The following OSBPL5 variants were observed in gnomAD, a reference collection of about 807,000 sequenced individuals.
OSBPL5 encodes oxysterol-binding protein-related protein 5.
OSBPL5 carries 71 observed loss-of-function variants against 111.2 expected under a neutral mutation model. That is an observed-to-expected ratio of 0.64 (90% confidence interval 0.53 to 0.78). OSBPL5 has a LOEUF of 0.78. Among genes scored for constraint, OSBPL5 ranks in the 30% least tolerant of loss-of-function variants. OSBPL5 has a pLI of 0.00. For missense variants in OSBPL5, 1,210 were observed against 1,189.3 expected (o/e 1.02, Z -0.26); for synonymous variants, 549 against 513.9 (o/e 1.07, Z -0.93).
At chr11:3,160,245 T>C (rs923291645) in intron 1 of OSBPL5, among the ~76,000 whole-genome samples, 20 of 152,290 alleles carry the variant, frequency 1.3e-4, no homozygotes, top group African/African-American at 4.8e-4. Flanking sequence ...CTGGCCAATG[T>C]GGGGAGCCTC....
At position 3,092,291 on chromosome 11, in the gene OSBPL5, A is replaced by C; in HGVS notation, c.2259+141T>G. On this transcript the variant is annotated intron_variant, in intron 19 of 21. Transcript: ENST00000263650. The surrounding 1 kb of genome is among the most constrained non-coding windows in gnomAD (Gnocchi z 5.4). The stretch of plus-strand genomic sequence containing the variant: ...TGAGTCCCATGCTCGGCAGAGAAGG[A>C]AAGGGGACGAGGGGGCTGGGGGATG... The C allele has an allele frequency of 8.2e-7, 1 of 1,214,536 alleles. No individual in the cohort carries two copies. 75.2% of individuals were successfully genotyped at this position (1,214,536 alleles called of 1,614,324 possible).
chr11:3,104,030 A>T lies in OSBPL5; in HGVS notation c.1244+163T>A, dbSNP rs1397844339. On this transcript the variant is annotated intron_variant, in intron 10 of 21. Transcript: ENST00000263650. This position sits in a 1 kb window ranked among gnomAD's most constrained non-coding sequence, Gnocchi z 5.0. ...CTGGCTCCTCCCAGGCCCATCTTGG[A>T]GACAGGGCCCCCTGGGAGGCTACAG... Among the ~76,000 whole-genome samples the T allele has an allele frequency of 1.3e-5, 2 of 152,134 alleles. No individual in the cohort carries two copies. Among genetic ancestry groups the T allele is most frequent in the African/African-American group, 4.8e-5 (2 of 41,434 alleles).
chr11:3,092,861 A>C lies in OSBPL5; in HGVS notation c.2132+6T>G. 4 of 1,524,680 alleles carry C rather than the reference A, an allele frequency of 2.6e-6. No individual in the cohort carries two copies. Among genetic ancestry groups the C allele is most frequent in the Non-Finnish European group, 3.5e-6 (4 of 1,128,546 alleles). The allele number at this position is 1,524,680 out of a possible 1,614,324, so 94.4% of individuals were successfully genotyped here. A position where few individuals can be genotyped will look rare whatever the true frequency, so the allele number is the denominator to read the frequency against. On this transcript the variant is annotated splice_donor_region_variant and intron_variant, in intron 18 of 21. Coordinates refer to ENST00000263650, the MANE Select transcript of OSBPL5 (RefSeq NM_020896.4). The surrounding 1 kb of genome is among the most constrained non-coding windows in gnomAD (Gnocchi z 5.4). ...CTGTGGCCCCCAGGGCTTTGTCGGC[A>C]CTCACTCCTCGTATCGGTAGTGCCA...
chr11:3,144,206 G>A (rs1846253949), intron 1 of OSBPL5, among the ~76,000 whole-genome samples: 1 of 152,168 alleles, frequency 6.6e-6, no homozygotes, highest in African/African-American at 2.4e-5. Flanking sequence ...GGCAGGTGGG[G>A]ACAGAACATG....
Position 3,092,733 on chromosome 11 carries a change from C to T in OSBPL5, c.2132+134G>A. On this transcript the variant is annotated intron_variant, in intron 18 of 21. Coordinates refer to ENST00000263650, the MANE Select transcript of OSBPL5 (RefSeq NM_020896.4). The surrounding 1 kb of genome is among the most constrained non-coding windows in gnomAD (Gnocchi z 5.4). Reference sequence around the variant, plus strand: ...GACTGATGATGGGGGGTGTCACTATCTGACCCTCCCCCACCGACTCCTCCA... The same window carrying T: ...GACTGATGATGGGGGGTGTCACTATTTGACCCTCCCCCACCGACTCCTCCA... The T allele has an allele frequency of 7.4e-7, 1 of 1,342,546 alleles. No homozygotes were observed. Among genetic ancestry groups the T allele is most frequent in the Non-Finnish European group, 1.0e-6 (1 of 1,004,202 alleles). 83.2% of individuals were successfully genotyped at this position (1,342,546 alleles called of 1,614,324 possible). A position where few individuals can be genotyped will look rare whatever the true frequency, so the allele number is the denominator to read the frequency against.
rs34351257 is a variant in OSBPL5, at chr11:3,121,061, CTTT to C, written c.403-440_403-438del. On this transcript the variant is annotated intron_variant, in intron 5 of 21. Transcript: ENST00000263650. The surrounding 1 kb of genome is among the most constrained non-coding windows in gnomAD (Gnocchi z 4.3). ...CTTGTAACTGGCAGCTTTGTAGATT[CTTT>C]TTTTTTTTTTTTTTGAGACAGAGTC... Among the ~76,000 whole-genome samples, 3 of 130,334 alleles carry C rather than the reference CTTT, an allele frequency of 2.3e-5. No individual in the cohort carries two copies. The highest frequency in any genetic ancestry group is 1.6e-5 in the Non-Finnish European group (1 of 62,452). The allele number at this position is 130,334 out of a possible 152,430, so 85.5% of individuals were successfully genotyped here.
intron 14 of OSBPL5, among the ~76,000 whole-genome samples, chr11:3,097,027 GAGAGGAAAGAGGGAAGACAGGAGA>G (rs1857288008): frequency 4.8e-5 from 3 of 63,132 alleles, no homozygotes; most frequent in African/African-American, 6.9e-5. Context: ...GGAGGGGGAG[GAGAGGAAAGAGGGAAGACAGGAGA>G]AGGAGAGGAA....
rs76420681 is a variant in OSBPL5, at chr11:3,095,797, G to A, written c.1622-1463C>T. 5.6e-3 allele frequency among the ~76,000 whole-genome samples: 848 copies of A among 152,252 alleles called. 33 individuals are homozygous for A. The highest frequency in any genetic ancestry group is 0.051 in the East Asian group (263 of 5,186). On this transcript the variant is annotated intron_variant, in intron 14 of 21. Transcript: ENST00000263650. ...AAGTTTCTCTTTTGAGAAGCCTTCC[G>A]GTGATTAAGTGAAAGAGGATGGAAC...
chr11:3,119,456 C>G, intron 7 of OSBPL5, 91 bp downstream of exon 7: 2 of 1,324,952 alleles, frequency 1.5e-6, no homozygotes, highest in Non-Finnish European at 2.0e-6. Context: ...AGGGACTGAA[C>G]TGGGGCCACC....
rs751759048 is a variant in OSBPL5, at chr11:3,104,366, C to T, written c.1071G>A (p.Ala357=). The T allele has an allele frequency of 1.8e-5, 29 of 1,610,096 alleles. No homozygotes were observed. Among genetic ancestry groups the T allele is most frequent in the South Asian group, 3.3e-5 (3 of 90,992 alleles). Residue 357 remains alanine (A), a synonymous_variant, in exon 10 of 22, where the codon GCG becomes GCA. Coordinates refer to ENST00000263650, the MANE Select transcript of OSBPL5 (RefSeq NM_020896.4). This position sits in a 1 kb window ranked among gnomAD's most constrained non-coding sequence, Gnocchi z 5.0. ...VQEELGELGE[A]SQVETVSEEN... Reference sequence around the variant, plus strand: ...CCTCTGACACTGTCTCCACCTGGGACGCCTCGCCCAGCTGCAGCAGACAGG... The same window carrying T: ...CCTCTGACACTGTCTCCACCTGGGATGCCTCGCCCAGCTGCAGCAGACAGG...
At chr11:3,119,806 C>T (rs1389731176) in intron 6 of OSBPL5, 175 bp from the exon 7 acceptor site, 15 of 554,980 alleles carry the variant, frequency 2.7e-5, no homozygotes, top group Non-Finnish European at 3.7e-5. Flanking sequence ...TGCAGAGAGG[C>T]GGGTAGGTGG....
intron 10 of OSBPL5, among the ~76,000 whole-genome samples, chr11:3,103,888 A>AGTCTGCGCAGCCCC (rs1564830906): frequency 9.7e-6 from 1 of 102,884 alleles, no homozygotes; most frequent in South Asian, 3.2e-4. Flanking sequence ...CTGTAGCCCC[A>AGTCTGCGCAGCCCC]TTCCTGCCTC....
chr11:3,121,027 G>A lies in OSBPL5; in HGVS notation c.403-403C>T, dbSNP rs1173619620. ...GGCCTCAGGGAGGAACCAGCAATGA[G>A]TGGTGTGACTTGTAACTGGCAGCTT... On this transcript the variant is annotated intron_variant, in intron 5 of 21. Transcript: ENST00000263650. The surrounding 1 kb of genome is among the most constrained non-coding windows in gnomAD (Gnocchi z 4.3). Among the ~76,000 whole-genome samples the A allele has an allele frequency of 1.3e-5, 2 of 151,832 alleles. No homozygotes were observed. The highest frequency in any genetic ancestry group is 2.9e-5 in the Non-Finnish European group (2 of 67,968).
chr11:3,157,837 A>G (rs758744918), intron 1 of OSBPL5, among the ~76,000 whole-genome samples: 46 of 152,220 alleles, frequency 3.0e-4, no homozygotes, highest in Non-Finnish European at 5.4e-4. Context: ...GGCAGGAAAG[A>G]GCCACATAGC....
rs574759587 is a variant in OSBPL5 at position 3,161,440 on chromosome 11, T to A, written c.-22+3776A>T. 1 of 152,256 alleles carries A rather than the reference T, an allele frequency of 6.6e-6. No individual in the cohort carries two copies. The highest frequency in any genetic ancestry group is 6.5e-5 in the Admixed American group (1 of 15,298). 9.4% of individuals were successfully genotyped at this position (152,256 alleles called of 1,614,324 possible). ...AGCCGATGCTGGTGAAACCAGGACA[T>A]GGTGGGTGGGACTTGCTAGATGGGG... On this transcript the variant is annotated intron_variant, in intron 1 of 21. Coordinates refer to ENST00000263650, the MANE Select transcript of OSBPL5 (RefSeq NM_020896.4). The surrounding 1 kb of genome is among the most constrained non-coding windows in gnomAD (Gnocchi z 8.0).
At position 3,092,541 on chromosome 11, in the gene OSBPL5, G is replaced by A; in HGVS notation, c.2150C>T (p.Pro717Leu). 6.3e-7 allele frequency: 1 copy of A among 1,591,150 alleles called. No individual in the cohort carries two copies. Among genetic ancestry groups the A allele is most frequent in the Non-Finnish European group, 8.6e-7 (1 of 1,169,018 alleles). Residue 717 changes from proline (P) to leucine (L), a missense_variant, in exon 19 of 22, where the codon CCC becomes CTC. Pro to Leu is a moderately conservative substitution (Grantham distance 98, BLOSUM62 -3). Transcript: ENST00000263650. This position sits in a 1 kb window ranked among gnomAD's most constrained non-coding sequence, Gnocchi z 5.4. ...YRYEDHSPWD[P>L]LKDIAQFEQD... ...CTCAAACTGGGCGATGTCCTTCAGGGGGTCCCAGGGGCTGTGGCTGGAGGG... is the reference window on the plus strand; with the variant it reads ...CTCAAACTGGGCGATGTCCTTCAGGAGGTCCCAGGGGCTGTGGCTGGAGGG...
chr11:3,135,124 G>A (rs934812415), intron 1 of OSBPL5, among the ~76,000 whole-genome samples: 41 of 152,336 alleles, frequency 2.7e-4, no homozygotes, highest in African/African-American at 9.4e-4. Context: ...GCAGCTGACC[G>A]CCCCCGTGCG....
intron 5 of OSBPL5, among the ~76,000 whole-genome samples, chr11:3,120,996 G>A (rs1030496725): frequency 2.0e-5 from 3 of 152,016 alleles, no homozygotes; most frequent in African/African-American, 7.2e-5. Flanking sequence ...CAAGTTCAAG[G>A]TCAAGGGCCT....
At chr11:3,149,388 T>C (rs1443405538) in intron 1 of OSBPL5, among the ~76,000 whole-genome samples, 2 of 152,164 alleles carry the variant, frequency 1.3e-5, no homozygotes, top group Non-Finnish European at 2.9e-5. Flanking sequence ...GATCTTGCAG[T>C]GTACTGGCCT....
Sources: allele counts gnomAD v4.1 joint callset (sites outside exome capture counted in the v4.1 genomes callset), GRCh38; gene constraint gnomAD v4.1.1; non-coding constraint Gnocchi (gnomAD v3.1); transcripts MANE v1.5; gene names NCBI Gene and HGNC (gene_info 2026-07-23, HGNC 2026-07-21).